KIAA1217: variants seen among roughly 807,000 people sequenced by gnomAD.
KIAA1217 encodes KIAA1217, also known as sickle tail protein homolog.
A neutral mutation model predicts 163.9 loss-of-function variants in KIAA1217; 88 were observed. The ratio of observed to expected loss-of-function variants is 0.54; its 90% confidence interval spans 0.45 to 0.64. The LOEUF is 0.64. Among genes scored for constraint, KIAA1217 ranks in the 30% least tolerant of loss-of-function variants. The probability of loss-of-function intolerance (pLI) is 0.00; values close to 1 mark genes in which losing one functional copy is unlikely to be tolerated. For missense variants in KIAA1217, 2,372 were observed against 2,475.0 expected (o/e 0.96, Z 0.88); for synonymous variants, 903 against 923.1 (o/e 0.98, Z 0.39).
At chr10:24,356,050 A>G (rs536755282) in intron 2 of KIAA1217, among the ~76,000 whole-genome samples, 5 of 152,130 alleles carry the variant, frequency 3.3e-5, no homozygotes, top group African/African-American at 1.2e-4. Context: ...CCTGGACAGC[A>G]AGTCCTCATT....
At chr10:24,487,633 T>C (rs2065580142) in intron 6 of KIAA1217, among the ~76,000 whole-genome samples, 1 of 45,370 alleles carries the variant, frequency 2.2e-5, no homozygotes, top group African/African-American at 9.2e-5. Context: ...TAAATGGAGC[T>C]TCATTTTTGC....
intron 1 of KIAA1217, among the ~76,000 whole-genome samples, chr10:23,997,631 T>G (rs1846545865): frequency 6.6e-6 from 1 of 152,228 alleles, no homozygotes; most frequent in Non-Finnish European, 1.5e-5. Context: ...ATTTTATTCC[T>G]TGGAATTCAA....
intron 2 of KIAA1217, among the ~76,000 whole-genome samples, chr10:24,082,396 C>A (rs1396573779): frequency 1.3e-5 from 2 of 152,080 alleles, no homozygotes; most frequent in African/African-American, 2.4e-5. Context: ...TGTTCTCCCC[C>A]AAACCCCCAC....
At chr10:24,163,433 A>G (rs1256147268) in intron 2 of KIAA1217, among the ~76,000 whole-genome samples, 2 of 152,244 alleles carry the variant, frequency 1.3e-5, no homozygotes, top group Non-Finnish European at 2.9e-5. Flanking sequence ...CCATTAAGAA[A>G]TGTGCCATTT....
At chr10:23,800,574 A>G (rs1463669718) in intron 1 of KIAA1217, among the ~76,000 whole-genome samples, 1 of 152,070 alleles carries the variant, frequency 6.6e-6, no homozygotes, top group Non-Finnish European at 1.5e-5. Context: ...TCATAAAAGG[A>G]CACTGTGTGA....
intron 2 of KIAA1217, among the ~76,000 whole-genome samples, chr10:24,281,707 T>C (rs2077948820): frequency 6.6e-6 from 1 of 152,186 alleles, no homozygotes; most frequent in Non-Finnish European, 1.5e-5. Flanking sequence ...AATATGTTTT[T>C]GGAAGGAAGA....
At chr10:23,985,786 A>G (rs866225928) in intron 1 of KIAA1217, among the ~76,000 whole-genome samples, 6 of 152,126 alleles carry the variant, frequency 3.9e-5, no homozygotes, top group Admixed American at 6.6e-5. Context: ...CCTTGGTCCA[A>G]TGGCTTCCTT....
In KIAA1217 at chr10:24,543,256, G is replaced by T; in HGVS notation, c.3986G>T (p.Ser1329Ile). The T allele has an allele frequency of 6.2e-7, 1 of 1,613,842 alleles. No individual in the cohort carries two copies. The highest frequency in any genetic ancestry group is 8.5e-7 in the Non-Finnish European group (1 of 1,180,012). ...TCTCACACTAGACTAACAGAATCAA[G>T]CGTGCATGATTTTAAAACAGAAGAT... Reference protein sequence around the residue: ...VSSHTRLTESSVHDFKTEDQE... With the variant: ...VSSHTRLTESIVHDFKTEDQE... The change falls in exon 19 of 21, where the codon AGC (serine) becomes ATC (isoleucine). Residue 1329 changes from serine (S) to isoleucine (I), a missense_variant. By Grantham distance (142) the Ser-to-Ile change is moderately radical. Coordinates refer to ENST00000376454, the MANE Select transcript of KIAA1217 (RefSeq NM_019590.5).
chr10:24,432,162 C>T (rs1006352806), intron 3 of KIAA1217, among the ~76,000 whole-genome samples: 5 of 143,172 alleles, frequency 3.5e-5, no homozygotes, highest in African/African-American at 1.0e-4. Context: ...CTTACTCTAT[C>T]GCCCAGGCTG....
intron 2 of KIAA1217, among the ~76,000 whole-genome samples, chr10:24,109,020 C>T (rs1326563799): frequency 1.3e-5 from 2 of 151,014 alleles, no homozygotes; most frequent in East Asian, 1.9e-4. Context: ...TTAGTAGAGA[C>T]GGGGTTTCCC....
chr10:24,526,578 G>T (rs956038110), intron 13 of KIAA1217, among the ~76,000 whole-genome samples: 2 of 152,170 alleles, frequency 1.3e-5, no homozygotes, highest in Admixed American at 6.5e-5. Context: ...CGCTTTGAGA[G>T]GAGACACGAG....
At chr10:24,105,194 A>G (rs928584692) in intron 2 of KIAA1217, among the ~76,000 whole-genome samples, 1 of 152,190 alleles carries the variant, frequency 6.6e-6, no homozygotes, top group African/African-American at 2.4e-5. Flanking sequence ...AGCGACTCAC[A>G]GAGGCAAAAA....
intron 2 of KIAA1217, among the ~76,000 whole-genome samples, chr10:24,142,301 G>A (rs1314115608): frequency 2.0e-5 from 3 of 152,140 alleles, no homozygotes; most frequent in Non-Finnish European, 2.9e-5. Context: ...AATTGAGGGG[G>A]CTACATGATG....
At chr10:24,210,940 ATT>A (rs56978789) in intron 1 of KIAA1217, among the ~76,000 whole-genome samples, 2 of 147,652 alleles carry the variant, frequency 1.4e-5, no homozygotes, top group Admixed American at 6.8e-5. Context: ...TAAACGGTGA[ATT>A]TTTTTTTTTT....
chr10:23,896,647 C>A (rs139414770), intron 1 of KIAA1217, among the ~76,000 whole-genome samples: 298 of 152,102 alleles, frequency 2.0e-3, no homozygotes, highest in Non-Finnish European at 3.3e-3. Context: ...ACCACTGCAG[C>A]CAGTTATTTT....
chr10:24,438,154 A>G (rs1278503263), intron 4 of KIAA1217, among the ~76,000 whole-genome samples: 1 of 152,108 alleles, frequency 6.6e-6, no homozygotes, highest in Admixed American at 6.6e-5. Context: ...CTGGAGGAAT[A>G]ATACTTTCTT....
intron 6 of KIAA1217, among the ~76,000 whole-genome samples, chr10:24,485,694 T>C (rs1178389980): frequency 6.6e-6 from 1 of 152,228 alleles, no homozygotes; most frequent in Non-Finnish European, 1.5e-5. Context: ...GGCTTACACA[T>C]CCTCAATGGT....
chr10:23,832,284 G>T (rs774894466), intron 1 of KIAA1217, among the ~76,000 whole-genome samples: 42 of 152,186 alleles, frequency 2.8e-4, no homozygotes, highest in Non-Finnish European at 5.1e-4. Context: ...GATTATAAAA[G>T]ATGCAGATAC....
chr10:23,733,968 T>A (rs1838635178), intron 1 of KIAA1217, among the ~76,000 whole-genome samples: 1 of 152,238 alleles, frequency 6.6e-6, no homozygotes, highest in East Asian at 1.9e-4. Context: ...TATTCCTGAT[T>A]GTTCCTTATC....
Sources: gnomAD v4.1 joint callset for allele counts (sites outside exome capture counted in the v4.1 genomes callset) on GRCh38, gnomAD v4.1.1 for gene constraint, MANE v1.5 for transcripts, NCBI Gene and HGNC (gene_info 2026-07-23, HGNC 2026-07-21) for gene names.